The following FBXO9 variants were observed in gnomAD, a reference collection of about 807,000 sequenced individuals.
The protein encoded by FBXO9 is F-box only protein 9.
In FBXO9, 43 loss-of-function variants were observed where a neutral mutation model predicts 63.7. The observed-to-expected ratio is 0.67, with a 90% CI of 0.53 to 0.87. FBXO9 has a LOEUF of 0.87. Among genes scored for constraint, FBXO9 ranks in the 40% least tolerant of loss-of-function variants. The pLI is 0.00. For synonymous variants in FBXO9, 156 were observed against 171.7 expected (o/e 0.91, Z 0.72); for missense variants, 442 against 533.2 (o/e 0.83, Z 1.68).
chr6:53,069,999 TTTTTC>T (rs1044578933), intron 1 of FBXO9, among the ~76,000 whole-genome samples: 23 of 150,202 alleles, frequency 1.5e-4, no homozygotes, highest in African/African-American at 3.5e-4. Flanking sequence ...AAGAATAATA[TTTTTC>T]TTTTCTTTTT....
rs756239526 is a variant in FBXO9, at chr6:53,094,693, C to A, written c.1053+715C>A. The A allele has an allele frequency of 2.0e-5, 8 of 394,294 alleles. 1 individual carries two copies. The highest frequency in any genetic ancestry group is 1.5e-4 in the South Asian group (8 of 54,910). The allele number at this position is 394,294 out of a possible 1,614,324, so 24.4% of individuals were successfully genotyped here. ...CCTTCTCTAACATCATATGTCCAGA[C>A]AGGGCAGAGTTTCATCTGCGAGTCC... On this transcript the variant is annotated intron_variant, in intron 11 of 12. Transcript: ENST00000323557.
At position 53,076,493 on chromosome 6, in the gene FBXO9, A is replaced by G; in HGVS notation, c.257A>G (p.Glu86Gly). ...TACTTTATATTTTTATAGGCTCGAG[A>G]ACTCTTCCTAAAAGCAGTAGAAGAA... ...QEQAKEEKARELFLKAVEEEQ... is the reference protein window; with the variant it reads ...QEQAKEEKARGLFLKAVEEEQ... The change falls in exon 4 of 13, where the codon GAA becomes GGA. Residue 86 changes from glutamate (E) to glycine (G), a missense_variant. By Grantham distance (98) the Glu-to-Gly change is moderately conservative. This residue lies in a region of FBXO9 where 180 missense variants were observed against 171.1 expected (regional missense o/e 1.05). Coordinates refer to ENST00000323557, the MANE Select transcript of FBXO9 (RefSeq NM_033480.3). 1 of 1,544,760 alleles carries G rather than the reference A, an allele frequency of 6.5e-7. No homozygotes were observed. The highest frequency in any genetic ancestry group is 2.3e-5 in the Admixed American group (1 of 44,060).
intron 5 of FBXO9, 39 bp downstream of exon 5, chr6:53,078,937 TGTTA>T (rs745877527): frequency 6.7e-7 from 1 of 1,492,506 alleles, no homozygotes; most frequent in Admixed American, 1.7e-5. Flanking sequence ...GCATAGAGTT[TGTTA>T]AAGTTAAGCA....
chr6:53,065,931 C>T, intron 1 of FBXO9, 139 bp downstream of exon 1: 1 of 1,177,178 alleles, frequency 8.5e-7, no homozygotes. Flanking sequence ...TTAGAGGGCC[C>T]TGGCCTGAGA....
At chr6:53,075,246 G>T (rs544557829) in intron 3 of FBXO9, among the ~76,000 whole-genome samples, 1 of 151,296 alleles carries the variant, frequency 6.6e-6, no homozygotes, top group African/African-American at 2.4e-5. Flanking sequence ...AGCGATTCTC[G>T]TGCCTTGGCC....
At chr6:53,074,383 C>T (rs1343349982) in intron 3 of FBXO9, among the ~76,000 whole-genome samples, 1 of 152,168 alleles carries the variant, frequency 6.6e-6, no homozygotes, top group African/African-American at 2.4e-5. Context: ...ATAGGGAAGT[C>T]CTGTGTGCCC....
intron 3 of FBXO9, among the ~76,000 whole-genome samples, chr6:53,075,734 ATTATTTTTT>A (rs1769078764): frequency 1.2e-5 from 1 of 82,180 alleles, no homozygotes; most frequent in African/African-American, 5.2e-5. Context: ...TATATATATA[ATTATTTTTT>A]TTTTTTTTTT....
chr6:53,097,146 T>G (rs1763233978), intron 12 of FBXO9, among the ~76,000 whole-genome samples: 1 of 151,958 alleles, frequency 6.6e-6, no homozygotes, highest in South Asian at 2.1e-4. Context: ...CCACCTACTT[T>G]CCCTCCCCCC....
At chr6:53,087,946 A>T (rs9463863) in intron 7 of FBXO9, among the ~76,000 whole-genome samples, 3,603 of 152,310 alleles carry the variant, frequency 0.024, 145 homozygotes, top group African/African-American at 0.082. Flanking sequence ...TATGAACCTT[A>T]TCACAACTTA....
At chr6:53,080,305 T>G (rs187965208) in intron 5 of FBXO9, among the ~76,000 whole-genome samples, 1 of 152,126 alleles carries the variant, frequency 6.6e-6, no homozygotes, top group African/African-American at 2.4e-5. Context: ...TGGTTTTTTT[T>G]TTTGTTTTTT....
At chr6:53,078,084 A>T (rs547328932) in intron 4 of FBXO9, among the ~76,000 whole-genome samples, 1 of 152,324 alleles carries the variant, frequency 6.6e-6, no homozygotes, top group East Asian at 1.9e-4. Flanking sequence ...AAAAACAAAA[A>T]CAAAAACTAT....
chr6:53,070,930 C>T (rs1768894032), intron 1 of FBXO9, 127 bp from the exon 2 acceptor site: 1 of 1,461,318 alleles, frequency 6.8e-7, no homozygotes, highest in Non-Finnish European at 9.2e-7. Flanking sequence ...CCTTGCTACT[C>T]AAAGTGGGTT....
chr6:53,071,048 C>G lies in FBXO9; in HGVS notation c.4-9C>G. The G allele has an allele frequency of 1.9e-6, 3 of 1,565,414 alleles. 1 individual carries two copies. The South Asian group carries it at 3.5e-5, about 18-fold the overall frequency. ...TATGCCTGACATTATTTGGGTTTTC[C>G]CCCCTCAGGCAGAAGCTGAGGAAGA... is the stretch of plus-strand genomic sequence containing the variant. On this transcript the variant is annotated splice_polypyrimidine_tract_variant and intron_variant, in intron 1 of 12. Coordinates refer to ENST00000323557, the MANE Select transcript of FBXO9 (RefSeq NM_033480.3).
chr6:53,093,085 C>T, intron 9 of FBXO9: 3 of 407,734 alleles, frequency 7.4e-6, no homozygotes, highest in South Asian at 1.4e-4. Flanking sequence ...TGCTTTTATT[C>T]CACCTTATTG....
intron 3 of FBXO9, among the ~76,000 whole-genome samples, chr6:53,075,746 T>TA (rs1490467261): frequency 8.6e-6 from 1 of 116,788 alleles, no homozygotes; most frequent in Non-Finnish European, 1.8e-5. Flanking sequence ...TATTTTTTTT[T>TA]TTTTTTTTTT....
intron 2 of FBXO9, among the ~76,000 whole-genome samples, chr6:53,072,212 T>C (rs1480707781): frequency 1.3e-5 from 2 of 149,032 alleles, no homozygotes; most frequent in East Asian, 3.9e-4. Context: ...TCTAGATACG[T>C]CTTTTTTTAA....
At chr6:53,066,203 CTTG>C (rs1768692923) in intron 1 of FBXO9, 1 of 955,748 alleles carries the variant, frequency 1.0e-6, no homozygotes, top group Non-Finnish European at 1.3e-6. Context: ...AGAGGAGACA[CTTG>C]TTGATTGCTC....
rs1400013568 is a variant in FBXO9, at chr6:53,095,607, G to T, written c.1148G>T (p.Gly383Val). 8.7e-6 allele frequency: 14 copies of T among 1,613,488 alleles called. No individual in the cohort carries two copies. The highest frequency in any genetic ancestry group is 1.2e-5 in the Non-Finnish European group (14 of 1,179,738). The stretch of plus-strand genomic sequence containing the variant: ...GTGGGGCTACAGCTATGTTCCAGTG[G>T]TCACCAGAGGTTCAACAAACTCATC... ...FHVGLQLCSS[G>V]HQRFNKLIWI... is the part of the protein sequence containing the mutation. The change falls in exon 12 of 13, where the codon GGT (glycine) becomes GTT (valine). Residue 383 changes from glycine (G) to valine (V), a missense_variant. By Grantham distance (109) the Gly-to-Val change is moderately radical. Coordinates refer to ENST00000323557, the MANE Select transcript of FBXO9 (RefSeq NM_033480.3).
At chr6:53,079,428 A>T (rs1214189314) in intron 5 of FBXO9, among the ~76,000 whole-genome samples, 1 of 152,160 alleles carries the variant, frequency 6.6e-6, no homozygotes, top group Non-Finnish European at 1.5e-5. Context: ...TAAAACTCTA[A>T]CATTTATTTA....
Sources: gnomAD v4.1 joint callset for allele counts (sites outside exome capture counted in the v4.1 genomes callset) on GRCh38, gnomAD v4.1.1 for gene constraint, gnomAD v4.1.1 regional missense constraint, MANE v1.5 for transcripts, NCBI Gene and HGNC (gene_info 2026-07-23, HGNC 2026-07-21) for gene names.